The following ITGB1 variants were observed in gnomAD, a reference collection of about 807,000 sequenced individuals.
The protein encoded by ITGB1 is integrin beta-1.
In ITGB1, 24 loss-of-function variants were observed where a neutral mutation model predicts 86.5. That is an observed-to-expected ratio of 0.28 (90% CI 0.20 to 0.39). The LOEUF (loss-of-function observed/expected upper bound fraction) is 0.39. Among genes scored for constraint, ITGB1 ranks in the 10% least tolerant of loss-of-function variants. The probability of loss-of-function intolerance (pLI) is 1.00; values close to 1 mark genes in which losing one functional copy is unlikely to be tolerated. For missense variants in ITGB1, 556 were observed against 946.9 expected, an observed-to-expected ratio of 0.59 and a Z score of 5.42; for synonymous variants, 323 against 316.8, an observed-to-expected ratio of 1.02 and a Z score of -0.21.
intron 4 of ITGB1, 104 bp from the exon 5 acceptor site, chr10:32,928,368 A>T: frequency 1.7e-6 from 1 of 592,080 alleles, no homozygotes; most frequent in Middle Eastern, 2.8e-4. Context: ...CAATAAAATA[A>T]AACATGTTGT....
chr10:32,913,521 T>C (rs1435671448), intron 11 of ITGB1, among the ~76,000 whole-genome samples: 1 of 152,090 alleles, frequency 6.6e-6, no homozygotes, highest in African/African-American at 2.4e-5. Context: ...ATGTGATGCA[T>C]GCACAAGCTT....
intron 5 of ITGB1, among the ~76,000 whole-genome samples, 173 bp downstream of exon 5, chr10:32,927,921 A>G (rs2094970531): frequency 6.6e-6 from 1 of 152,250 alleles, no homozygotes; most frequent in Admixed American, 6.5e-5. Context: ...AGGTGGCAGA[A>G]AAGATTATTA....
intron 1 of ITGB1, among the ~76,000 whole-genome samples, chr10:32,954,283 T>C (rs2095048278): frequency 1.3e-5 from 2 of 152,056 alleles, no homozygotes; most frequent in African/African-American, 4.8e-5. Context: ...CCCCAGCTTG[T>C]GGTCACCCTC....
At chr10:32,926,968 C>T (rs192256207) in intron 5 of ITGB1, among the ~76,000 whole-genome samples, 46 of 152,292 alleles carry the variant, frequency 3.0e-4, no homozygotes, top group Middle Eastern at 3.4e-3. Context: ...CTTAAAGCAG[C>T]ACAAATGGAC....
At chr10:32,935,626 T>G in intron 1 of ITGB1, 68 bp from the exon 2 acceptor site, 1 of 1,118,390 alleles carries the variant, frequency 8.9e-7, no homozygotes, top group Non-Finnish European at 1.3e-6. Context: ...AAATAGAAAG[T>G]ATTACCCCAC....
intron 4 of ITGB1, 85 bp downstream of exon 4, chr10:32,929,737 A>G: frequency 1.2e-6 from 1 of 806,200 alleles, no homozygotes; most frequent in East Asian, 2.4e-5. Flanking sequence ...CGAGCCTTCA[A>G]CAGAAACTGG....
chr10:32,913,817 G>A (rs1448989435), intron 11 of ITGB1, among the ~76,000 whole-genome samples: 1 of 152,080 alleles, frequency 6.6e-6, no homozygotes, highest in African/African-American at 2.4e-5. Context: ...TACAGAGAAA[G>A]CCACAAAGAT....
At chr10:32,936,011 C>T (rs1235966384) in intron 1 of ITGB1, 2 of 153,474 alleles carry the variant, frequency 1.3e-5, no homozygotes, top group Non-Finnish European at 2.9e-5. Flanking sequence ...TTTTCAAAAA[C>T]CTGATCAAGT....
chr10:32,943,090 G>C (rs2095022802), intron 1 of ITGB1, among the ~76,000 whole-genome samples: 1 of 152,136 alleles, frequency 6.6e-6, no homozygotes, highest in Non-Finnish European at 1.5e-5. Context: ...ACATTACTCA[G>C]AAGAATGTCT....
chr10:32,912,476 G>A (rs1593856954), intron 11 of ITGB1, among the ~76,000 whole-genome samples: 3 of 152,180 alleles, frequency 2.0e-5, no homozygotes, highest in Admixed American at 6.5e-5. Flanking sequence ...CTTAGAAAAC[G>A]GAACACCAGA....
At chr10:32,924,803 C>T (rs140203432) in intron 6 of ITGB1, among the ~76,000 whole-genome samples, 2 of 152,248 alleles carry the variant, frequency 1.3e-5, no homozygotes, top group African/African-American at 4.8e-5. Context: ...AGTGAAAAGT[C>T]GAAAGTAATA....
In ITGB1 at chr10:32,907,726, G is replaced by A. The variant is rs578166725; in HGVS notation, c.2331+642C>T. ...AAATGGAATCATATAGTATATAGCA[G>A]GGGTGTCCAATCTTTTGGCTTCCCT... On this transcript the variant is annotated intron_variant, in intron 15 of 15. Coordinates refer to ENST00000302278, the MANE Select transcript of ITGB1 (RefSeq NM_002211.4). Among the ~76,000 whole-genome samples, 17 of 152,030 alleles carry A rather than the reference G, an allele frequency of 1.1e-4. No individual in the cohort carries two copies. The East Asian group carries it at 3.3e-3, about 29-fold the overall frequency.
intron 15 of ITGB1, among the ~76,000 whole-genome samples, chr10:32,903,723 A>G (rs11009136): frequency 0.14 from 20,575 of 152,138 alleles, 1,689 homozygotes; most frequent in East Asian, 0.25. Flanking sequence ...TGTACATCAA[A>G]CTCTCAGCTC....
chr10:32,922,845 G>A, intron 7 of ITGB1, 110 bp from the exon 8 acceptor site: 1 of 603,728 alleles, frequency 1.7e-6, no homozygotes, highest in Non-Finnish European at 2.9e-6. Flanking sequence ...TTACAAGACT[G>A]CTTTAGATAA....
chr10:32,934,726 G>A (rs1390092923), intron 2 of ITGB1, among the ~76,000 whole-genome samples: 3 of 151,844 alleles, frequency 2.0e-5, no homozygotes, highest in African/African-American at 7.3e-5. Context: ...AAATTTTTTT[G>A]TTATGTTCCT....
chr10:32,910,487 CATTTT>C lies in ITGB1; in HGVS notation c.1932-37_1932-33del, dbSNP rs2094909874. 2.1e-6 allele frequency: 3 copies of C among 1,397,872 alleles called. No homozygotes were observed. The African/African-American group carries it at 4.3e-5, about 20-fold the overall frequency. The allele number at this position is 1,397,872 out of a possible 1,614,324, so 86.6% of individuals were successfully genotyped here. On this transcript the variant is annotated intron_variant, in intron 13 of 15. Coordinates refer to ENST00000302278, the MANE Select transcript of ITGB1 (RefSeq NM_002211.4). ...CAAAAAACACAAATTATGATATTTA[CATTTT>C]ATTATTTCAGTAAATATTTGCTTAA... is the stretch of plus-strand genomic sequence containing the variant.
chr10:32,935,292 T>C (rs1473421827), intron 2 of ITGB1, among the ~76,000 whole-genome samples, 200 bp downstream of exon 2: 1 of 152,134 alleles, frequency 6.6e-6, no homozygotes, highest in Admixed American at 6.5e-5. Flanking sequence ...CCAACTTGCC[T>C]CCCATCATCC....
At chr10:32,902,966 T>C (rs1248043885) in intron 15 of ITGB1, among the ~76,000 whole-genome samples, 17 of 152,050 alleles carry the variant, frequency 1.1e-4, no homozygotes, top group Non-Finnish European at 2.5e-4. Flanking sequence ...CTAGAAAAAT[T>C]ATTGGTTGGT....
chr10:32,914,697 C>T (rs1212111283), intron 11 of ITGB1, among the ~76,000 whole-genome samples: 2 of 152,162 alleles, frequency 1.3e-5, no homozygotes, highest in South Asian at 2.1e-4. Context: ...GAGACTTAGA[C>T]TCCCACACAA....
Sources: allele counts gnomAD v4.1 joint callset (sites outside exome capture counted in the v4.1 genomes callset), GRCh38; gene constraint gnomAD v4.1.1; transcripts MANE v1.5; gene names NCBI Gene and HGNC (gene_info 2026-07-23, HGNC 2026-07-21).